The following TPST1 variants were observed in gnomAD, a reference collection of about 807,000 sequenced individuals.
TPST1 encodes protein-tyrosine sulfotransferase 1.
A neutral mutation model predicts 34.8 loss-of-function variants in TPST1; 20 were observed. The ratio of observed to expected loss-of-function variants is 0.57; its 90% confidence interval spans 0.40 to 0.84. The LOEUF (loss-of-function observed/expected upper bound fraction) is 0.84, where lower values mean the gene tolerates loss of function less well. Among genes scored for constraint, TPST1 ranks in the 40% least tolerant of loss-of-function variants. The pLI is 0.00. For synonymous variants in TPST1, 152 were observed against 159.4 expected (o/e 0.95, Z 0.35); for missense variants, 353 against 455.5 (o/e 0.78, Z 2.05).
intron 2 of TPST1, among the ~76,000 whole-genome samples, chr7:66,241,764 G>C (rs1368855706): frequency 6.6e-6 from 1 of 152,184 alleles, no homozygotes; most frequent in South Asian, 2.1e-4. Flanking sequence ...AAAAATAAAA[G>C]CTTCGTCTAA....
At chr7:66,238,935 G>T (rs17138152) in intron 1 of TPST1, among the ~76,000 whole-genome samples, 10,022 of 152,222 alleles carry the variant, frequency 0.066, 1,077 homozygotes, top group African/African-American at 0.22. Flanking sequence ...GCACATCCAT[G>T]TCTTTGGTCA....
intron 2 of TPST1, 42 bp downstream of exon 2, chr7:66,241,312 CTAA>C (rs1790031173): frequency 1.3e-6 from 2 of 1,558,280 alleles, no homozygotes; most frequent in South Asian, 1.3e-5. Flanking sequence ...CTATATTTAG[CTAA>C]TAATGATCTA....
At chr7:66,223,873 C>A (rs940549751) in intron 1 of TPST1, among the ~76,000 whole-genome samples, 2 of 152,172 alleles carry the variant, frequency 1.3e-5, no homozygotes, top group African/African-American at 4.8e-5. Context: ...TGAAGCAAAG[C>A]CGAGACATCA....
chr7:66,224,131 C>T (rs1427574455), intron 1 of TPST1, among the ~76,000 whole-genome samples: 1 of 152,118 alleles, frequency 6.6e-6, no homozygotes, highest in Non-Finnish European at 1.5e-5. Context: ...AAAAGGTGTT[C>T]CCATGTTGAT....
At chr7:66,250,020 A>G (rs1001133808) in intron 2 of TPST1, among the ~76,000 whole-genome samples, 1 of 152,154 alleles carries the variant, frequency 6.6e-6, no homozygotes, top group African/African-American at 2.4e-5. Context: ...TTTCATTGAC[A>G]CTAACTGGTT....
chr7:66,314,157 C>T (rs1000828171), intron 3 of TPST1, among the ~76,000 whole-genome samples: 1 of 152,134 alleles, frequency 6.6e-6, no homozygotes, highest in Non-Finnish European at 1.5e-5. Context: ...TCTGTCACAC[C>T]GTTGATGTTA....
intron 3 of TPST1, among the ~76,000 whole-genome samples, chr7:66,294,736 C>G (rs572746411): frequency 1.1e-3 from 160 of 151,496 alleles, no homozygotes; most frequent in African/African-American, 3.6e-3. Context: ...TTTTTATTTT[C>G]TTATTTATTT....
At chr7:66,324,354 A>G (rs1276711897) in intron 3 of TPST1, among the ~76,000 whole-genome samples, 1 of 152,114 alleles carries the variant, frequency 6.6e-6, no homozygotes, top group Non-Finnish European at 1.5e-5. Flanking sequence ...CTATTTCTCA[A>G]TCTGTGTTTA....
chr7:66,351,921 T>G (rs1792487648), intron 3 of TPST1, among the ~76,000 whole-genome samples: 1 of 152,218 alleles, frequency 6.6e-6, no homozygotes, highest in South Asian at 2.1e-4. Flanking sequence ...TCATAAAGAT[T>G]CCTAATTATT....
intron 3 of TPST1, among the ~76,000 whole-genome samples, chr7:66,300,929 G>A (rs924954295): frequency 1.3e-5 from 2 of 151,640 alleles, no homozygotes; most frequent in African/African-American, 2.4e-5. Context: ...CTGGGTGACA[G>A]AGCGAGACTC....
chr7:66,326,685 G>A (rs1470411639), intron 3 of TPST1, among the ~76,000 whole-genome samples: 1 of 152,078 alleles, frequency 6.6e-6, no homozygotes, highest in Admixed American at 6.6e-5. Context: ...TCACAGTCAC[G>A]ACACATTCCC....
At chr7:66,299,102 G>C (rs1381412988) in intron 3 of TPST1, among the ~76,000 whole-genome samples, 1 of 149,670 alleles carries the variant, frequency 6.7e-6, no homozygotes, top group Non-Finnish European at 1.5e-5. Context: ...CTCCAGCCTG[G>C]GCAACAGAGC....
intron 3 of TPST1, among the ~76,000 whole-genome samples, chr7:66,341,619 G>C (rs542420568): frequency 3.3e-5 from 5 of 152,282 alleles, no homozygotes; most frequent in African/African-American, 7.2e-5. Context: ...TGACAAAAAG[G>C]CTGGCTGAGA....
At chr7:66,208,591 T>C (rs900259847) in intron 1 of TPST1, among the ~76,000 whole-genome samples, 2 of 151,886 alleles carry the variant, frequency 1.3e-5, no homozygotes, top group African/African-American at 4.8e-5. Flanking sequence ...ACCTCAGCCT[T>C]CCGAGTAGCT....
At chr7:66,218,840 C>T (rs963567615) in intron 1 of TPST1, among the ~76,000 whole-genome samples, 1 of 149,462 alleles carries the variant, frequency 6.7e-6, no homozygotes, top group African/African-American at 2.5e-5. Context: ...GAGCAAGACT[C>T]CATCTCAAAA....
chr7:66,325,407 C>T (rs796449246), intron 3 of TPST1, among the ~76,000 whole-genome samples: 8 of 151,786 alleles, frequency 5.3e-5, no homozygotes, highest in African/African-American at 1.9e-4. Context: ...TGGATTTTTT[C>T]GTTGTTCCCT....
At chr7:66,298,470 A>G (rs908317731) in intron 3 of TPST1, among the ~76,000 whole-genome samples, 2 of 152,240 alleles carry the variant, frequency 1.3e-5, no homozygotes, top group African/African-American at 4.8e-5. Flanking sequence ...TATGTATACT[A>G]TATACATGGT....
intron 1 of TPST1, among the ~76,000 whole-genome samples, chr7:66,211,109 G>T (rs374951067): frequency 2.6e-5 from 4 of 152,088 alleles, no homozygotes; most frequent in African/African-American, 9.6e-5. Flanking sequence ...AATTATATCT[G>T]CTGGGTCCAT....
At chr7:66,285,980 G>T (rs4149463) in intron 2 of TPST1, among the ~76,000 whole-genome samples, 8,852 of 152,142 alleles carry the variant, frequency 0.058, 353 homozygotes, top group East Asian at 0.11. Flanking sequence ...GTGGTTTATG[G>T]TTGGCAGTTT....
Sources: gnomAD v4.1 joint callset for allele counts (sites outside exome capture counted in the v4.1 genomes callset) on GRCh38, gnomAD v4.1.1 for gene constraint, MANE v1.5 for transcripts, NCBI Gene and HGNC (gene_info 2026-07-23, HGNC 2026-07-21) for gene names.